The following SMIM35 variants were observed in gnomAD, a reference collection of about 807,000 sequenced individuals.
The protein encoded by SMIM35 is TMPRSS4 antisense RNA 1 (non-protein coding).
chr11:118,036,961 A>G (rs1223387708), intron 1 of SMIM35, among the ~76,000 whole-genome samples: 2 of 152,068 alleles, frequency 1.3e-5, no homozygotes, highest in East Asian at 1.9e-4. Flanking sequence ...TTTTTGCCTA[A>G]TTAGCATTTT....
intron 4 of SMIM35, among the ~76,000 whole-genome samples, chr11:118,007,640 C>T (rs961743056): frequency 1.3e-5 from 2 of 152,098 alleles, no homozygotes; most frequent in East Asian, 1.9e-4. Flanking sequence ...GTGATCCACC[C>T]GCCTTGGCCT....
At position 118,022,339 on chromosome 11, in the gene SMIM35, G is replaced by A. The variant is rs183802494; in HGVS notation, c.8-6530C>T. Reference sequence around the variant, plus strand: ...GCTGGGATTACAGGCGTGAGCCACCGCCCCTGGCCCAACAATAAGTCTTAG... The same window carrying A: ...GCTGGGATTACAGGCGTGAGCCACCACCCCTGGCCCAACAATAAGTCTTAG... On this transcript the variant is annotated intron_variant, in intron 1 of 4. Transcript: ENST00000689828. Among the ~76,000 whole-genome samples, 1,208 of 152,192 alleles carry A rather than the reference G, an allele frequency of 7.9e-3. 15 individuals are homozygous for A. The highest frequency in any genetic ancestry group is 8.2e-3 in the Non-Finnish European group (556 of 68,006).
At chr11:118,021,665 C>T (rs887240587) in intron 1 of SMIM35, among the ~76,000 whole-genome samples, 12 of 151,870 alleles carry the variant, frequency 7.9e-5, no homozygotes, top group Non-Finnish European at 1.0e-4. Context: ...CAGACAAAAA[C>T]GATTTTAAAA....
chr11:118,076,755 C>T (rs1225037747), intron 1 of SMIM35, among the ~76,000 whole-genome samples: 2 of 152,158 alleles, frequency 1.3e-5, no homozygotes, highest in African/African-American at 4.8e-5. Flanking sequence ...GCCCAACCCC[C>T]AGACCACTCC....
chr11:118,084,910 A>G lies in SMIM35; in HGVS notation c.7+1841T>C, dbSNP rs533169719. Among the ~76,000 whole-genome samples the G allele has an allele frequency of 2.0e-5, 3 of 152,306 alleles. No individual in the cohort carries two copies. The South Asian group carries it at 6.2e-4, about 32-fold the overall frequency. ...CAGTGTCCCTGCCTCAGAGTTCAGGAGGAGCAGGATCAAGGGACAACCCCC... is the reference window on the plus strand; with the variant it reads ...CAGTGTCCCTGCCTCAGAGTTCAGGGGGAGCAGGATCAAGGGACAACCCCC... On this transcript the variant is annotated intron_variant, in intron 1 of 4. Transcript: ENST00000689828.
At chr11:118,058,396 C>A (rs1944347765) in intron 1 of SMIM35, among the ~76,000 whole-genome samples, 1 of 152,176 alleles carries the variant, frequency 6.6e-6, no homozygotes, top group African/African-American at 2.4e-5. Context: ...GGGGCTAGAG[C>A]TGCACATGGA....
intron 1 of SMIM35, among the ~76,000 whole-genome samples, chr11:118,018,080 G>A (rs2058198605): frequency 6.6e-6 from 1 of 152,174 alleles, no homozygotes; most frequent in African/African-American, 2.4e-5. Flanking sequence ...GAGTGAAAAT[G>A]TCTAGGCAGA....
At chr11:118,053,423 C>T (rs779265075) in intron 1 of SMIM35, among the ~76,000 whole-genome samples, 2 of 152,148 alleles carry the variant, frequency 1.3e-5, no homozygotes, top group Non-Finnish European at 2.9e-5. Context: ...AACTGATGGC[C>T]TCAGCCAGGG....
chr11:118,071,513 G>A (rs1944571033), intron 1 of SMIM35, among the ~76,000 whole-genome samples: 1 of 152,162 alleles, frequency 6.6e-6, no homozygotes, highest in Non-Finnish European at 1.5e-5. Context: ...TTCCCTCCAC[G>A]CTGCATTCCA....
chr11:118,079,130 G>A (rs551525883), intron 1 of SMIM35, among the ~76,000 whole-genome samples: 1 of 152,220 alleles, frequency 6.6e-6, no homozygotes, highest in South Asian at 2.1e-4. Flanking sequence ...GCAGCAGCAT[G>A]GCCAATCTCC....
intron 1 of SMIM35, among the ~76,000 whole-genome samples, chr11:118,073,406 A>G (rs1242436636): frequency 6.6e-6 from 1 of 152,258 alleles, no homozygotes; most frequent in South Asian, 2.1e-4. Flanking sequence ...CTAGAGCTCA[A>G]GCTCTTGACC....
chr11:118,024,912 C>T (rs981070048), intron 1 of SMIM35, among the ~76,000 whole-genome samples: 1 of 152,116 alleles, frequency 6.6e-6, no homozygotes, highest in Non-Finnish European at 1.5e-5. Flanking sequence ...GTTCTTCAAC[C>T]CTTGCTCCTC....
chr11:118,048,456 C>T (rs563549785), intron 1 of SMIM35, among the ~76,000 whole-genome samples: 3 of 151,520 alleles, frequency 2.0e-5, no homozygotes, highest in South Asian at 2.1e-4. Context: ...GAAGTTGCAG[C>T]GAGCCTAGAT....
At chr11:118,061,751 C>G (rs1455464309) in intron 1 of SMIM35, among the ~76,000 whole-genome samples, 1 of 152,078 alleles carries the variant, frequency 6.6e-6, no homozygotes, top group Non-Finnish European at 1.5e-5. Flanking sequence ...CACCCAGGAC[C>G]GCTCTTTGGT....
intron 1 of SMIM35, among the ~76,000 whole-genome samples, chr11:118,058,939 C>T (rs767205433): frequency 3.3e-5 from 5 of 152,186 alleles, no homozygotes; most frequent in African/African-American, 9.7e-5. Flanking sequence ...GAGGGGCAAG[C>T]GACAAATGCA....
At chr11:118,012,173 G>A (rs1006001751) in intron 4 of SMIM35, among the ~76,000 whole-genome samples, 1 of 152,210 alleles carries the variant, frequency 6.6e-6, no homozygotes, top group Non-Finnish European at 1.5e-5. Context: ...CTGGCAGCTG[G>A]CTGTTCTAAC....
chr11:118,016,799 G>A (rs1020223355), intron 1 of SMIM35, among the ~76,000 whole-genome samples: 15 of 152,192 alleles, frequency 9.9e-5, no homozygotes, highest in African/African-American at 3.6e-4. Flanking sequence ...CACATGTAGA[G>A]AGCACTTAGG....
At chr11:118,057,400 T>A (rs1944331151) in intron 1 of SMIM35, among the ~76,000 whole-genome samples, 1 of 150,706 alleles carries the variant, frequency 6.6e-6, no homozygotes, top group Admixed American at 6.6e-5. Flanking sequence ...GGGAGGGGAG[T>A]CCTGATGGGG....
chr11:118,076,466 A>G (rs4938476), intron 1 of SMIM35, among the ~76,000 whole-genome samples: 1 of 151,872 alleles, frequency 6.6e-6, no homozygotes, highest in Non-Finnish European at 1.5e-5. Context: ...AAAGAAAAAA[A>G]GAAAGAAAGA....
Sources: gnomAD v4.1 joint callset for allele counts (sites outside exome capture counted in the v4.1 genomes callset) on GRCh38, gnomAD v4.1.1 for gene constraint, MANE v1.5 for transcripts, NCBI Gene and HGNC (gene_info 2026-07-23, HGNC 2026-07-21) for gene names.